The following IL20RA variants were observed in gnomAD, a reference collection of about 807,000 sequenced individuals.
IL20RA encodes the protein interleukin 20 receptor subunit alpha.
In IL20RA, 29 loss-of-function variants were observed where a neutral mutation model predicts 36.5. The ratio of observed to expected loss-of-function variants is 0.79; its 90% CI spans 0.59 to 1.08. The LOEUF (loss-of-function observed/expected upper bound fraction) is 1.08, where lower values mean the gene tolerates loss of function less well. Ranked by LOEUF, IL20RA falls within the 50% of genes least tolerant of loss-of-function variation. The probability of loss-of-function intolerance (pLI) is 0.00; values close to 1 mark genes in which losing one functional copy is unlikely to be tolerated. For synonymous variants in IL20RA, 279 were observed against 267.1 expected (o/e 1.04, Z -0.43); for missense variants, 652 against 668.4 (o/e 0.98, Z 0.27).
At chr6:137,009,568 C>A in intron 3 of IL20RA, 76 bp from the exon 4 acceptor site, 21 of 750,650 alleles carry the variant, frequency 2.8e-5, no homozygotes, top group Non-Finnish European at 4.6e-5. Flanking sequence ...TATAATCCTA[C>A]TTGGATCAAG....
Position 137,008,582 on chromosome 6 carries a change from G to A in IL20RA, c.724+17C>T. 1 of 1,577,152 alleles carries A rather than the reference G, an allele frequency of 6.3e-7. No individual in the cohort carries two copies. Among genetic ancestry groups the A allele is most frequent in the Non-Finnish European group, 8.6e-7 (1 of 1,162,270 alleles). The stretch of plus-strand genomic sequence containing the variant: ...CAGATCTCCTTCCTAGACCAGCAAA[G>A]ATTTTTTAAAGCTTACCTTTCAAAG... On this transcript the variant is annotated intron_variant, in intron 5 of 6. Transcript: ENST00000316649.
Position 137,009,385 on chromosome 6 carries a change from A to T in IL20RA, c.511T>A (p.Ser171Thr). The T allele has an allele frequency of 6.2e-7, 1 of 1,613,162 alleles. No homozygotes were observed. Reference protein sequence around the residue: ...WKRNPEDLPVSMQQIYSNLKY... With the variant: ...WKRNPEDLPVTMQQIYSNLKY... ...AGATTGGAGTATATTTGTTGCATGGAAACAGGAAGGTCTTCTGGATTTCTC... is the reference window on the plus strand; with the variant it reads ...AGATTGGAGTATATTTGTTGCATGGTAACAGGAAGGTCTTCTGGATTTCTC... The change falls in exon 4 of 7, where the codon TCC (serine) becomes ACC (threonine). Residue 171 changes from serine to threonine, a missense_variant. Ser to Thr is a moderately conservative substitution (Grantham distance 58). Coordinates refer to ENST00000316649, the MANE Select transcript of IL20RA (RefSeq NM_014432.4).
intron 1 of IL20RA, among the ~76,000 whole-genome samples, chr6:137,031,515 C>T (rs773721818): frequency 2.0e-5 from 3 of 152,216 alleles, no homozygotes; most frequent in Non-Finnish European, 2.9e-5. Flanking sequence ...AGTACAGTAG[C>T]ATGCAGTACA....
Position 137,004,635 on chromosome 6 carries a change from G to A in IL20RA, c.850C>T (p.His284Tyr), listed in dbSNP as rs752857176. The A allele has an allele frequency of 6.2e-7, 1 of 1,613,656 alleles. No individual in the cohort carries two copies. Among genetic ancestry groups the A allele is most frequent in the African/African-American group, 1.3e-5 (1 of 74,858 alleles). ...YRYIHVGKEK[H>Y]PANLILIYGN... ...CAAGTACTCACCAAATTTGCTGGGT[G>A]TTTCTCTTTGCCAACGTGGATATAT... The change falls in exon 6 of 7, where the codon CAC becomes TAC. Residue 284 changes from histidine to tyrosine, a missense_variant. Physicochemically the swap from His to Tyr is moderately conservative, Grantham distance 83. Coordinates refer to ENST00000316649, the MANE Select transcript of IL20RA (RefSeq NM_014432.4).
chr6:137,023,811 A>G (rs572135406), intron 1 of IL20RA, among the ~76,000 whole-genome samples: 1 of 152,352 alleles, frequency 6.6e-6, no homozygotes, highest in South Asian at 2.1e-4. Context: ...AAATAGAATT[A>G]GCCCAGGTGT....
intron 6 of IL20RA, among the ~76,000 whole-genome samples, chr6:137,004,184 T>TG (rs1775193219): frequency 1.1e-5 from 1 of 91,576 alleles, no homozygotes; most frequent in Non-Finnish European, 2.4e-5. Context: ...TTTTTTTTTT[T>TG]TGAGACAGAG....
At chr6:137,043,921 T>C (rs1045553103) in intron 1 of IL20RA, among the ~76,000 whole-genome samples, 28 of 152,306 alleles carry the variant, frequency 1.8e-4, no homozygotes, top group South Asian at 4.1e-4. Context: ...TGGATTCCAA[T>C]TGGTAGAGAA....
At chr6:137,023,005 G>T (rs1337155216) in intron 1 of IL20RA, among the ~76,000 whole-genome samples, 1 of 152,156 alleles carries the variant, frequency 6.6e-6, no homozygotes, top group African/African-American at 2.4e-5. Context: ...AAAGCAAACC[G>T]GTGGTACTTT....
intron 1 of IL20RA, among the ~76,000 whole-genome samples, chr6:137,025,935 A>G (rs1776070133): frequency 6.6e-6 from 1 of 152,258 alleles, no homozygotes; most frequent in Non-Finnish European, 1.5e-5. Flanking sequence ...CAGGGTAATC[A>G]GCCTCTGTGG....
chr6:137,025,649 A>T (rs1278379425), intron 1 of IL20RA, among the ~76,000 whole-genome samples: 1 of 152,218 alleles, frequency 6.6e-6, no homozygotes, highest in African/African-American at 2.4e-5. Flanking sequence ...TAAATTTATC[A>T]TTAGTGGAGT....
chr6:137,009,593 C>A (rs1052846511), intron 3 of IL20RA, 101 bp from the exon 4 acceptor site: 3 of 459,478 alleles, frequency 6.5e-6, no homozygotes, highest in African/African-American at 5.1e-5. Flanking sequence ...TAAAAGACAT[C>A]CTTTTTTTTT....
chr6:137,021,778 G>A (rs1344316033), intron 1 of IL20RA, among the ~76,000 whole-genome samples: 2 of 151,896 alleles, frequency 1.3e-5, no homozygotes, highest in African/African-American at 4.8e-5. Context: ...GTATTTAGTC[G>A]ATATGAGCAA....
chr6:137,021,201 G>A (rs1339274346), intron 1 of IL20RA, among the ~76,000 whole-genome samples: 2 of 151,988 alleles, frequency 1.3e-5, no homozygotes, highest in East Asian at 3.8e-4. Flanking sequence ...GTTAATTATG[G>A]ACTTTTAATA....
At chr6:137,015,320 C>T (rs1317269678) in intron 2 of IL20RA, among the ~76,000 whole-genome samples, 2 of 152,056 alleles carry the variant, frequency 1.3e-5, no homozygotes, top group Non-Finnish European at 2.9e-5. Flanking sequence ...CTGCACACTT[C>T]CTTAAAAAAA....
intron 1 of IL20RA, among the ~76,000 whole-genome samples, chr6:137,025,852 GC>G (rs1776067181): frequency 6.6e-6 from 1 of 152,188 alleles, no homozygotes; most frequent in Non-Finnish European, 1.5e-5. Flanking sequence ...TCAAGGAAAA[GC>G]CTACGCATAC....
In IL20RA at chr6:137,032,636, A is replaced by G. The variant is rs187817556; in HGVS notation, c.88+12005T>C. 9.7e-4 allele frequency among the ~76,000 whole-genome samples: 147 copies of G among 152,316 alleles called. 1 individual carries two copies. Among genetic ancestry groups the G allele is most frequent in the Non-Finnish European group, 1.7e-3 (116 of 68,026 alleles). The stretch of plus-strand genomic sequence containing the variant: ...AACTTTCAAGAAAATAATGAATAGT[A>G]TTTACTTCTGCTGATTGTTGCTTGG... On this transcript the variant is annotated intron_variant, in intron 1 of 6. Coordinates refer to ENST00000316649, the MANE Select transcript of IL20RA (RefSeq NM_014432.4).
In IL20RA at chr6:137,044,277, C is replaced by A. The variant is rs533617878; in HGVS notation, c.88+364G>T. Reference sequence around the variant, plus strand: ...GGTGGTGGCGGGAACCTGGGACTGGCCGGCGAGGGGCCCCGCATGGTAACC... The same window carrying A: ...GGTGGTGGCGGGAACCTGGGACTGGACGGCGAGGGGCCCCGCATGGTAACC... On this transcript the variant is annotated intron_variant, in intron 1 of 6. Transcript: ENST00000316649. 6.4e-4 allele frequency: 637 copies of A among 998,618 alleles called. 1 individual carries two copies. The highest frequency in any genetic ancestry group is 7.4e-4 in the Non-Finnish European group (621 of 838,698). The allele number at this position is 998,618 out of a possible 1,614,324, so 61.9% of individuals were successfully genotyped here.
chr6:137,018,968 T>C (rs899353133), intron 1 of IL20RA, among the ~76,000 whole-genome samples: 2 of 152,186 alleles, frequency 1.3e-5, no homozygotes, highest in African/African-American at 4.8e-5. Context: ...TGTCAAAACA[T>C]GGCTTTATAG....
At chr6:137,032,082 A>T (rs919954752) in intron 1 of IL20RA, among the ~76,000 whole-genome samples, 2 of 151,956 alleles carry the variant, frequency 1.3e-5, no homozygotes, top group African/African-American at 4.8e-5. Context: ...GAAAAGAAAA[A>T]AAAGAAAATA....
Sources: allele counts gnomAD v4.1 joint callset (sites outside exome capture counted in the v4.1 genomes callset), GRCh38; gene constraint gnomAD v4.1.1; transcripts MANE v1.5; gene names NCBI Gene and HGNC (gene_info 2026-07-23, HGNC 2026-07-21).